The following NCAM1 variants were observed in gnomAD, a reference collection of about 807,000 sequenced individuals.
NCAM1 encodes the protein antigen recognized by monoclonal antibody 5.1H11.
NCAM1 carries 14 observed loss-of-function variants against 109.8 expected under a neutral mutation model. The observed-to-expected ratio is 0.13, with a 90% CI of 0.08 to 0.20. NCAM1 has a LOEUF of 0.20. NCAM1 is among the 10% of genes least tolerant of loss of function. NCAM1 has a pLI of 1.00. For missense variants in NCAM1, 774 were observed against 1,109.9 expected (o/e 0.70, Z 4.30); for synonymous variants, 418 against 442.9 (o/e 0.94, Z 0.70).
chr11:113,092,860 G>A (rs782427420), intron 1 of NCAM1, among the ~76,000 whole-genome samples: 6 of 152,150 alleles, frequency 3.9e-5, no homozygotes, highest in Non-Finnish European at 7.3e-5. Context: ...AACCAGCACT[G>A]TCCCACAATT....
At chr11:113,231,278 G>GGCTGCT (rs781920826) in intron 9 of NCAM1, 17 of 1,530,178 alleles carry the variant, frequency 1.1e-5, no homozygotes, top group Non-Finnish European at 1.5e-5. Flanking sequence ...CATGAGGTAG[G>GGCTGCT]GCTGCTGCTG....
intron 8 of NCAM1, among the ~76,000 whole-genome samples, chr11:113,218,821 G>T (rs1313413969): frequency 6.6e-6 from 1 of 152,130 alleles, no homozygotes; most frequent in Non-Finnish European, 1.5e-5. Context: ...CTATTACATT[G>T]ACCAAAAAAA....
Position 113,206,190 on chromosome 11 carries a change from G to T in NCAM1, c.628+10G>T. On this transcript the variant is annotated intron_variant, in intron 5 of 19. Transcript: ENST00000316851. ...CAGGTCATTGTGAATGGTGAGGAGA[G>T]TCCGTTCTTCCTGATCTCTGCATTG... 1 of 1,600,616 alleles carries T rather than the reference G, an allele frequency of 6.2e-7. No homozygotes were observed. Among genetic ancestry groups the T allele is most frequent in the Non-Finnish European group, 8.5e-7 (1 of 1,174,304 alleles).
rs151056121 is a variant in NCAM1, at chr11:113,116,612, G to T, written c.53-85767G>T. ...GAGAAGAGCTTCTGGCTTTTTCTAT[G>T]GGTTTGTCCTGTCAAACATTAGTCT... On this transcript the variant is annotated intron_variant, in intron 1 of 19. Transcript: ENST00000316851. 2.1e-3 allele frequency among the ~76,000 whole-genome samples: 326 copies of T among 152,220 alleles called. 1 individual carries two copies. The highest frequency in any genetic ancestry group is 7.4e-3 in the African/African-American group (309 of 41,524).
In NCAM1 at chr11:113,207,690, G is replaced by A. The variant is rs529983880; in HGVS notation, c.747-143G>A. 261 of 865,324 alleles carry A rather than the reference G, an allele frequency of 3.0e-4. 1 individual carries two copies. Among genetic ancestry groups the A allele is most frequent in the South Asian group, 2.3e-3 (133 of 58,328 alleles). The allele number at this position is 865,324 out of a possible 1,614,324, so 53.6% of individuals were successfully genotyped here. A position where few individuals can be genotyped will look rare whatever the true frequency, so the allele number is the denominator to read the frequency against. ...AGAGGAATAAGAGGTGTATGTGGAC[G>A]TTCAACTTGGTGCCTTAACTTTTTG... On this transcript the variant is annotated intron_variant, in intron 6 of 19. Transcript: ENST00000316851.
intron 1 of NCAM1, among the ~76,000 whole-genome samples, chr11:112,992,846 T>C (rs541663880): frequency 6.6e-6 from 1 of 152,328 alleles, no homozygotes; most frequent in Admixed American, 6.5e-5. Context: ...AGAAAATATT[T>C]CATATTAATG....
At chr11:113,237,013 C>G (rs1945186805) in intron 14 of NCAM1, among the ~76,000 whole-genome samples, 1 of 152,194 alleles carries the variant, frequency 6.6e-6, no homozygotes, top group South Asian at 2.1e-4. Flanking sequence ...GTGTGCATCT[C>G]CTCGTTTGGG....
intron 1 of NCAM1, among the ~76,000 whole-genome samples, chr11:113,194,187 G>A (rs1439912179): frequency 1.3e-5 from 2 of 152,200 alleles, no homozygotes; most frequent in African/African-American, 4.8e-5. Context: ...AGTTGCGTAG[G>A]ATAGAGTATT....
intron 1 of NCAM1, among the ~76,000 whole-genome samples, chr11:112,971,515 G>GA (rs1236569199): frequency 3.9e-5 from 6 of 151,940 alleles, no homozygotes; most frequent in African/African-American, 9.7e-5. Flanking sequence ...GACAGGGTGT[G>GA]AAAAAAACAA....
intron 1 of NCAM1, among the ~76,000 whole-genome samples, chr11:113,143,127 A>C (rs1555100780): frequency 6.6e-6 from 1 of 152,192 alleles, no homozygotes; most frequent in Non-Finnish European, 1.5e-5. Context: ...AATTAACACG[A>C]ATTCTCTAGT....
Position 112,984,767 on chromosome 11 carries a change from G to A in NCAM1, c.52+23103G>A, listed in dbSNP as rs1312816680. Among the ~76,000 whole-genome samples, 3 of 151,490 alleles carry A rather than the reference G, an allele frequency of 2.0e-5. No homozygotes were observed. The East Asian group carries it at 5.8e-4, about 29-fold the overall frequency. Reference sequence around the variant, plus strand: ...TTTATTCATTTTTTTTTGCTGTTCAGTTTGTGTGTTCCTTATATATTTTGA... The same window carrying A: ...TTTATTCATTTTTTTTTGCTGTTCAATTTGTGTGTTCCTTATATATTTTGA... On this transcript the variant is annotated intron_variant, in intron 1 of 19. Coordinates refer to ENST00000316851, the MANE Select transcript of NCAM1 (RefSeq NM_181351.5).
chr11:113,208,475 T>C (rs561729403), intron 7 of NCAM1, among the ~76,000 whole-genome samples: 1 of 152,174 alleles, frequency 6.6e-6, no homozygotes, highest in South Asian at 2.1e-4. Flanking sequence ...AAGCTTGTTC[T>C]TCATCTCAGG....
At chr11:113,256,064 G>A in intron 16 of NCAM1, 63 bp downstream of exon 16, 2 of 1,547,412 alleles carry the variant, frequency 1.3e-6, no homozygotes, top group East Asian at 2.4e-5. Context: ...GCTTGCTAGG[G>A]AAACAACAGG....
chr11:113,086,857 A>G (rs1555088392), intron 1 of NCAM1, among the ~76,000 whole-genome samples: 1 of 152,230 alleles, frequency 6.6e-6, no homozygotes, highest in Non-Finnish European at 1.5e-5. Flanking sequence ...GATATAAATC[A>G]TAATCTCAAT....
At chr11:113,176,471 G>A (rs1943145590) in intron 1 of NCAM1, among the ~76,000 whole-genome samples, 1 of 152,204 alleles carries the variant, frequency 6.6e-6, no homozygotes. Flanking sequence ...ACAGTTGATT[G>A]AATTGTATTC....
intron 1 of NCAM1, among the ~76,000 whole-genome samples, chr11:113,188,972 G>A (rs1368624744): frequency 2.0e-5 from 3 of 152,090 alleles, no homozygotes; most frequent in Non-Finnish European, 1.5e-5. Flanking sequence ...TCCAGAAAAG[G>A]CATTTGTTCT....
intron 1 of NCAM1, among the ~76,000 whole-genome samples, chr11:113,126,901 TG>T (rs1428598744): frequency 2.0e-5 from 3 of 152,214 alleles, no homozygotes; most frequent in Admixed American, 2.0e-4. Flanking sequence ...CTCCTAACAG[TG>T]TGCAATTTCA....
intron 7 of NCAM1, among the ~76,000 whole-genome samples, chr11:113,208,614 C>A (rs1303327652): frequency 6.6e-6 from 1 of 152,064 alleles, no homozygotes; most frequent in Admixed American, 6.6e-5. Context: ...TCCTTCACTG[C>A]CCTGGCTAAT....
rs1944097052 is a variant in NCAM1, at chr11:113,202,426, G to A, written c.100G>A (p.Gly34Arg). ...IVPSQGEISV[G>R]ESKFFLCQVA... ...TCCCAGCCAGGGGGAGATCAGCGTT[G>A]GAGAGTCCAAATTCTTCTTATGCCA... The change falls in exon 2 of 20, where the codon GGA (glycine) becomes AGA (arginine). Residue 34 changes from glycine (G) to arginine (R), a missense_variant. By Grantham distance (125) the Gly-to-Arg change is moderately radical (BLOSUM62 -2). Around this residue, in one of 4 missense-constraint regions of NCAM1, gnomAD observed 112 missense variants for 142.0 expected, o/e 0.79. Transcript: ENST00000316851. The A allele has an allele frequency of 6.2e-7, 1 of 1,612,204 alleles. No individual in the cohort carries two copies. Among genetic ancestry groups the A allele is most frequent in the Non-Finnish European group, 8.5e-7 (1 of 1,179,548 alleles).
Sources: allele counts gnomAD v4.1 joint callset (sites outside exome capture counted in the v4.1 genomes callset), GRCh38; gene constraint gnomAD v4.1.1; regional missense constraint gnomAD v4.1.1; transcripts MANE v1.5; gene names NCBI Gene and HGNC (gene_info 2026-07-23, HGNC 2026-07-21).